Variants in NAV2 observed in about 807,000 individuals in gnomAD.
NAV2 encodes the protein neuron navigator 2.
In NAV2, 54 loss-of-function variants were observed where a neutral mutation model predicts 223.2. The ratio of observed to expected loss-of-function variants is 0.24; its 90% CI spans 0.19 to 0.30. The LOEUF (loss-of-function observed/expected upper bound fraction) is 0.30, where lower values mean the gene tolerates loss of function less well. NAV2 is among the 10% of genes least tolerant of loss of function. NAV2 has a pLI of 1.00. For synonymous variants in NAV2, 1,279 were observed against 1,239.3 expected (o/e 1.03, Z -0.67); for missense variants, 2,806 against 3,147.5 (o/e 0.89, Z 2.60).
intron 1 of NAV2, among the ~76,000 whole-genome samples, chr11:19,660,641 T>A (rs779430944): frequency 6.6e-6 from 1 of 152,190 alleles, no homozygotes; most frequent in African/African-American, 2.4e-5. Flanking sequence ...TCTGATCCCA[T>A]GTCCTGCCAG....
intron 10 of NAV2, among the ~76,000 whole-genome samples, chr11:19,976,085 A>G (rs2049713656): frequency 6.6e-6 from 1 of 152,242 alleles, no homozygotes; most frequent in African/African-American, 2.4e-5. Context: ...TTGATGAGAA[A>G]TAAATATACG....
At chr11:19,690,553 G>A (rs765114679) in intron 1 of NAV2, among the ~76,000 whole-genome samples, 5 of 152,164 alleles carry the variant, frequency 3.3e-5, no homozygotes, top group Non-Finnish European at 5.9e-5. Context: ...CGTAATAAGT[G>A]CTCAAAAATG....
At chr11:19,643,105 T>C (rs902970633) in intron 1 of NAV2, among the ~76,000 whole-genome samples, 7 of 152,212 alleles carry the variant, frequency 4.6e-5, no homozygotes, top group African/African-American at 1.7e-4. Flanking sequence ...TTTGAGGTGT[T>C]GATCCTATAC....
chr11:20,110,845 T>C (rs1242981028), intron 36 of NAV2, among the ~76,000 whole-genome samples: 1 of 152,164 alleles, frequency 6.6e-6, no homozygotes. Context: ...AGTGAGCACA[T>C]TGCAGTTCAG....
intron 1 of NAV2, among the ~76,000 whole-genome samples, chr11:19,583,319 T>C (rs1303807253): frequency 1.3e-5 from 2 of 152,120 alleles, no homozygotes; most frequent in Non-Finnish European, 2.9e-5. Flanking sequence ...CATGTCATCT[T>C]CAAACAGGGA....
chr11:19,539,168 C>A (rs2044271148), intron 1 of NAV2, among the ~76,000 whole-genome samples: 1 of 152,214 alleles, frequency 6.6e-6, no homozygotes. Flanking sequence ...TACTGAGCCT[C>A]ATTACGATCA....
chr11:19,904,212 G>C (rs2042678350), intron 6 of NAV2, among the ~76,000 whole-genome samples: 1 of 152,112 alleles, frequency 6.6e-6, no homozygotes, highest in Non-Finnish European at 1.5e-5. Flanking sequence ...TCATGTACTT[G>C]GAATTCAGTC....
chr11:19,874,071 T>C (rs1440784601), intron 4 of NAV2, among the ~76,000 whole-genome samples: 1 of 152,196 alleles, frequency 6.6e-6, no homozygotes, highest in Non-Finnish European at 1.5e-5. Flanking sequence ...AGCAGGTTTC[T>C]TTGTATTAGA....
At chr11:19,371,776 T>C (rs1352036718) in intron 1 of NAV2, among the ~76,000 whole-genome samples, 1 of 142,874 alleles carries the variant, frequency 7.0e-6, no homozygotes, top group East Asian at 2.0e-4. Context: ...GGTTTTTTTT[T>C]TTTTTTTTTT....
At position 20,078,992 on chromosome 11, in the gene NAV2, C is replaced by T. The variant is rs866826911; in HGVS notation, c.5179+888C>T. Among the ~76,000 whole-genome samples, 6 of 152,186 alleles carry T rather than the reference C, an allele frequency of 3.9e-5. No individual in the cohort carries two copies. In the East Asian group the frequency reaches 1.2e-3, roughly 29 times the overall value. On this transcript the variant is annotated intron_variant, in intron 24 of 37. Transcript: ENST00000349880. ...ACAATCTTGTGAGTGTGATTCTGTT[C>T]TTTCCTGCTTGTACTGATGAGGACA...
chr11:19,795,044 C>T (rs1328579262), intron 1 of NAV2, among the ~76,000 whole-genome samples: 1 of 152,154 alleles, frequency 6.6e-6, no homozygotes, highest in Admixed American at 6.5e-5. Context: ...GCTTCCTTTC[C>T]CAGGTACAGG....
chr11:20,048,321 T>C, intron 14 of NAV2, among the ~76,000 whole-genome samples: 1 of 152,228 alleles, frequency 6.6e-6, no homozygotes, highest in East Asian at 1.9e-4. Flanking sequence ...ACTGTGTGCC[T>C]GCTTTATGCC....
intron 1 of NAV2, among the ~76,000 whole-genome samples, chr11:19,572,029 C>A (rs1293641737): frequency 1.3e-5 from 2 of 152,190 alleles, no homozygotes; most frequent in Non-Finnish European, 2.9e-5. Context: ...GCAGGTAGAA[C>A]CATCTGCCCC....
intron 10 of NAV2, among the ~76,000 whole-genome samples, chr11:19,983,247 G>T (rs558930564): frequency 1.3e-5 from 2 of 152,266 alleles, no homozygotes; most frequent in East Asian, 3.9e-4. Flanking sequence ...CCTACTAGTG[G>T]CTAAGCTTTC....
At chr11:19,938,392 A>G (rs2046103361) in intron 7 of NAV2, among the ~76,000 whole-genome samples, 1 of 152,174 alleles carries the variant, frequency 6.6e-6, no homozygotes, top group Non-Finnish European at 1.5e-5. Context: ...GGCCTGTGGC[A>G]GAGGGAGCCA....
Position 19,880,975 on chromosome 11 carries a change from T to G in NAV2, c.770+848T>G, listed in dbSNP as rs145785887. 9.2e-5 allele frequency among the ~76,000 whole-genome samples: 14 copies of G among 152,330 alleles called. No individual in the cohort carries two copies. The East Asian group carries it at 2.5e-3, about 27-fold the overall frequency. On this transcript the variant is annotated intron_variant, in intron 5 of 37. Transcript: ENST00000349880. The stretch of plus-strand genomic sequence containing the variant: ...AAACCCTAAATGTCACTGATCAGAT[T>G]GATTGCTTGATTTCATCCAATATGT...
chr11:20,062,795 G>A (rs2058788853), intron 20 of NAV2, among the ~76,000 whole-genome samples: 1 of 152,108 alleles, frequency 6.6e-6, no homozygotes. Context: ...CCTGGGCTCA[G>A]GTGATTCTCC....
intron 11 of NAV2, among the ~76,000 whole-genome samples, chr11:20,004,983 T>C (rs918824337): frequency 3.3e-5 from 5 of 151,752 alleles, no homozygotes; most frequent in African/African-American, 7.3e-5. Context: ...CTTGGTGGAG[T>C]TGTGAGGCTT....
chr11:19,446,499 A>T (rs980763869), intron 1 of NAV2, among the ~76,000 whole-genome samples: 6 of 152,158 alleles, frequency 3.9e-5, no homozygotes, highest in African/African-American at 1.4e-4. Flanking sequence ...TATCTGCCTC[A>T]GTGGGCAGCT....
Sources: allele counts gnomAD v4.1 joint callset (sites outside exome capture counted in the v4.1 genomes callset), GRCh38; gene constraint gnomAD v4.1.1; transcripts MANE v1.5; gene names NCBI Gene and HGNC (gene_info 2026-07-23, HGNC 2026-07-21).